NEGR1: variants seen among roughly 807,000 people sequenced by gnomAD.
NEGR1 encodes neuronal growth regulator 1.
Under a neutral mutation model 40.9 loss-of-function variants are expected in NEGR1, and 10 were observed. The ratio of observed to expected loss-of-function variants is 0.24; its 90% CI spans 0.15 to 0.42. The LOEUF is 0.42. Ranked by LOEUF, NEGR1 falls within the 10% of genes least tolerant of loss-of-function variation. NEGR1 has a pLI of 1.00. For missense variants in NEGR1, 352 were observed against 438.9 expected (o/e 0.80, Z 1.77); for synonymous variants, 185 against 166.8 (o/e 1.11, Z -0.84).
intron 2 of NEGR1, among the ~76,000 whole-genome samples, chr1:71,795,272 C>A (rs1570356814): frequency 6.6e-6 from 1 of 151,958 alleles, no homozygotes. Flanking sequence ...TCCTGAATCA[C>A]CTGGGAGCTT....
intron 3 of NEGR1, among the ~76,000 whole-genome samples, chr1:71,746,770 A>G (rs540447776): frequency 2.0e-5 from 3 of 147,682 alleles, no homozygotes; most frequent in East Asian, 4.1e-4. Context: ...ACACACACAC[A>G]CGCACACACA....
At chr1:72,241,814 G>T (rs547042095) in intron 1 of NEGR1, among the ~76,000 whole-genome samples, 5 of 151,422 alleles carry the variant, frequency 3.3e-5, no homozygotes, top group African/African-American at 1.2e-4. Flanking sequence ...TAACAACACA[G>T]ATGTAACATA....
At chr1:71,660,198 T>C (rs1016600306) in intron 4 of NEGR1, among the ~76,000 whole-genome samples, 5 of 152,140 alleles carry the variant, frequency 3.3e-5, no homozygotes, top group Non-Finnish European at 7.4e-5. Flanking sequence ...AGCTGGAGGC[T>C]ATTATCCTTA....
intron 1 of NEGR1, among the ~76,000 whole-genome samples, chr1:72,159,822 A>T (rs909847400): frequency 3.3e-5 from 5 of 152,162 alleles, no homozygotes; most frequent in African/African-American, 1.2e-4. Context: ...AGAACACTTT[A>T]GGGTTCACAT....
At chr1:72,139,543 T>A (rs553036152) in intron 1 of NEGR1, among the ~76,000 whole-genome samples, 32 of 152,156 alleles carry the variant, frequency 2.1e-4, no homozygotes, top group Non-Finnish European at 3.2e-4. Context: ...TTTGATGAAA[T>A]GAATTAACTC....
intron 4 of NEGR1, among the ~76,000 whole-genome samples, chr1:71,697,184 T>C (rs1485659379): frequency 2.0e-5 from 3 of 151,986 alleles, no homozygotes; most frequent in African/African-American, 7.2e-5. Flanking sequence ...GCAAGGACCA[T>C]ATATAGAAAG....
At chr1:71,462,604 A>T (rs536010390) in intron 6 of NEGR1, among the ~76,000 whole-genome samples, 13 of 152,206 alleles carry the variant, frequency 8.5e-5, no homozygotes, top group African/African-American at 3.1e-4. Flanking sequence ...AAAGCCAGTG[A>T]TTACACTGGG....
chr1:71,854,791 T>C (rs1659711506), intron 2 of NEGR1, among the ~76,000 whole-genome samples: 2 of 152,102 alleles, frequency 1.3e-5, no homozygotes, highest in African/African-American at 4.8e-5. Flanking sequence ...ACTCACTCAC[T>C]ATCACGAGAA....
At chr1:72,105,675 T>C (rs942373803) in intron 1 of NEGR1, among the ~76,000 whole-genome samples, 7 of 152,142 alleles carry the variant, frequency 4.6e-5, no homozygotes, top group Admixed American at 3.3e-4. Flanking sequence ...AACCTGACGA[T>C]AGTTTCAAAC....
rs1180298046 is a variant in NEGR1 at position 71,841,074 on chromosome 1, C to CTA, written c.410-64778_410-64777insTA. ...TCTTAAGGTATATCTCTTTCTCTCT[C>CTA]TCTATATATATACACATCCTATTAG... On this transcript the variant is annotated intron_variant, in intron 2 of 6. Transcript: ENST00000357731. 1.3e-4 allele frequency among the ~76,000 whole-genome samples: 20 copies of CTA among 152,014 alleles called. No homozygotes were observed. In the East Asian group the frequency reaches 2.3e-3, roughly 18 times the overall value.
At chr1:72,276,528 T>C (rs963094965) in intron 1 of NEGR1, among the ~76,000 whole-genome samples, 2 of 152,168 alleles carry the variant, frequency 1.3e-5, no homozygotes. Context: ...TATATTTTCC[T>C]ACTGAAATTA....
chr1:72,020,545 GA>G (rs565860149), intron 1 of NEGR1, among the ~76,000 whole-genome samples: 3 of 151,538 alleles, frequency 2.0e-5, no homozygotes, highest in Non-Finnish European at 4.4e-5. Context: ...CTATTTACAA[GA>G]AAAAAAACCT....
chr1:72,259,242 T>A (rs917328089), intron 1 of NEGR1, among the ~76,000 whole-genome samples: 1 of 152,126 alleles, frequency 6.6e-6, no homozygotes, highest in African/African-American at 2.4e-5. Flanking sequence ...GTAACTCAAT[T>A]CAATTCAGTC....
chr1:71,991,283 C>A (rs1042539805), intron 1 of NEGR1, among the ~76,000 whole-genome samples: 10 of 152,056 alleles, frequency 6.6e-5, no homozygotes, highest in Admixed American at 2.6e-4. Context: ...CTTCTTAATA[C>A]TATGTAATAG....
intron 1 of NEGR1, among the ~76,000 whole-genome samples, chr1:72,019,338 A>G (rs1271349042): frequency 2.0e-5 from 3 of 152,238 alleles, no homozygotes; most frequent in African/African-American, 7.2e-5. Context: ...ATATTTGCAT[A>G]ATCACTGCAC....
intron 1 of NEGR1, among the ~76,000 whole-genome samples, chr1:72,259,765 C>A (rs938261706): frequency 2.8e-4 from 43 of 152,004 alleles, no homozygotes; most frequent in Non-Finnish European, 8.8e-5. Context: ...ATGGGGAAGA[C>A]GAATAATTGT....
chr1:72,078,791 C>T (rs1295354204), intron 1 of NEGR1, among the ~76,000 whole-genome samples: 1 of 150,982 alleles, frequency 6.6e-6, no homozygotes, highest in Non-Finnish European at 1.5e-5. Flanking sequence ...AGGTGCCCAC[C>T]ACCCTTCCCA....
chr1:71,702,605 C>T (rs1653733547), intron 3 of NEGR1, among the ~76,000 whole-genome samples: 1 of 151,046 alleles, frequency 6.6e-6, no homozygotes, highest in Non-Finnish European at 1.5e-5. Flanking sequence ...CTAAATATTA[C>T]ATATTTTTAA....
At chr1:71,531,388 C>T (rs1367625387) in intron 6 of NEGR1, among the ~76,000 whole-genome samples, 2 of 151,408 alleles carry the variant, frequency 1.3e-5, no homozygotes, top group Non-Finnish European at 1.5e-5. Context: ...CTAATCTTTA[C>T]GTCAACCCAT....
Sources: allele counts gnomAD v4.1 joint callset (sites outside exome capture counted in the v4.1 genomes callset), GRCh38; gene constraint gnomAD v4.1.1; transcripts MANE v1.5; gene names NCBI Gene and HGNC (gene_info 2026-07-23, HGNC 2026-07-21).